The following NEGR1 variants were observed in gnomAD, a reference collection of about 807,000 sequenced individuals.
NEGR1 encodes neuronal growth regulator 1, also known as IgLON family member 4.
In NEGR1, 10 loss-of-function variants were observed where a neutral mutation model predicts 40.9. The observed-to-expected ratio is 0.24, with a 90% CI of 0.15 to 0.42. NEGR1 has a LOEUF of 0.42. Ranked by LOEUF, NEGR1 falls within the 10% of genes least tolerant of loss-of-function variation. The pLI, the probability that NEGR1 is intolerant of heterozygous loss-of-function variation, is 1.00. For synonymous variants in NEGR1, 185 were observed against 166.8 expected, an observed-to-expected ratio of 1.11 and a Z score of -0.84; for missense variants, 352 against 438.9, an observed-to-expected ratio of 0.80 and a Z score of 1.77.
intron 6 of NEGR1, among the ~76,000 whole-genome samples, chr1:71,503,088 T>A (rs1057269642): frequency 9.2e-5 from 14 of 152,180 alleles, no homozygotes; most frequent in Non-Finnish European, 1.6e-4. Flanking sequence ...GGGAGAATGC[T>A]GCAGGTTTGC....
At chr1:71,781,198 G>A (rs576226019) in intron 2 of NEGR1, among the ~76,000 whole-genome samples, 5 of 152,102 alleles carry the variant, frequency 3.3e-5, no homozygotes, top group African/African-American at 9.6e-5. Context: ...CCAGCATCAC[G>A]GTGACTAATC....
intron 1 of NEGR1, among the ~76,000 whole-genome samples, chr1:71,989,766 CAG>C (rs1405391411): frequency 6.6e-6 from 1 of 152,110 alleles, no homozygotes; most frequent in Non-Finnish European, 1.5e-5. Flanking sequence ...AAATATGAAA[CAG>C]AATAAATAAG....
intron 2 of NEGR1, among the ~76,000 whole-genome samples, chr1:71,785,553 G>A (rs909369740): frequency 5.3e-5 from 8 of 152,010 alleles, no homozygotes; most frequent in Admixed American, 3.3e-4. Flanking sequence ...AGGAAAGCAA[G>A]TACCTTCTTT....
chr1:71,549,973 A>C (rs564115385), intron 6 of NEGR1, among the ~76,000 whole-genome samples: 1 of 151,748 alleles, frequency 6.6e-6, no homozygotes, highest in East Asian at 2.0e-4. Flanking sequence ...TGGAGTGCAC[A>C]CTTGAATAAT....
intron 1 of NEGR1, among the ~76,000 whole-genome samples, chr1:72,154,318 T>G (rs1336730080): frequency 4.6e-5 from 7 of 151,906 alleles, no homozygotes; most frequent in Non-Finnish European, 8.8e-5. Context: ...CCTCCCCAAA[T>G]TTTCATTTTT....
At chr1:72,115,895 T>G (rs1649562671) in intron 1 of NEGR1, among the ~76,000 whole-genome samples, 1 of 151,796 alleles carries the variant, frequency 6.6e-6, no homozygotes, top group South Asian at 2.1e-4. Flanking sequence ...TGTAGGCCCA[T>G]GAAATGAAGA....
chr1:72,170,465 G>A (rs911975217), intron 1 of NEGR1, among the ~76,000 whole-genome samples: 7 of 152,124 alleles, frequency 4.6e-5, no homozygotes, highest in African/African-American at 1.7e-4. Flanking sequence ...AGTAATACTA[G>A]TGTCTGGCAC....
At chr1:71,540,371 T>A (rs1205869068) in intron 6 of NEGR1, among the ~76,000 whole-genome samples, 1 of 151,806 alleles carries the variant, frequency 6.6e-6, no homozygotes, top group Non-Finnish European at 1.5e-5. Flanking sequence ...AGGCAGGGCC[T>A]AGATACCTGG....
chr1:71,987,355 C>T (rs146571989), intron 1 of NEGR1, among the ~76,000 whole-genome samples: 342 of 152,178 alleles, frequency 2.2e-3, no homozygotes, highest in African/African-American at 7.9e-3. Flanking sequence ...AAGAGACAGG[C>T]GGGAGATAGA....
At chr1:72,090,747 G>A (rs1409464820) in intron 1 of NEGR1, among the ~76,000 whole-genome samples, 1 of 152,096 alleles carries the variant, frequency 6.6e-6, no homozygotes, top group Non-Finnish European at 1.5e-5. Flanking sequence ...CTACTCACAT[G>A]AATTTGGGAC....
At chr1:71,772,339 G>A (rs1418289433) in intron 3 of NEGR1, among the ~76,000 whole-genome samples, 1 of 152,050 alleles carries the variant, frequency 6.6e-6, no homozygotes, top group Non-Finnish European at 1.5e-5. Context: ...AGGAGGTGGA[G>A]GTTGCAAGGA....
At chr1:71,509,285 T>G (rs1362121540) in intron 6 of NEGR1, among the ~76,000 whole-genome samples, 1 of 152,182 alleles carries the variant, frequency 6.6e-6, no homozygotes, top group Non-Finnish European at 1.5e-5. Flanking sequence ...AAATCAGACT[T>G]GTAAGAGTCT....
intron 3 of NEGR1, among the ~76,000 whole-genome samples, chr1:71,763,243 T>TG (rs1012349531): frequency 8.6e-5 from 13 of 152,030 alleles, no homozygotes; most frequent in African/African-American, 2.9e-4. Flanking sequence ...AAACATTGGG[T>TG]GGGGGGTCCT....
intron 4 of NEGR1, among the ~76,000 whole-genome samples, chr1:71,659,866 C>A (rs1001220957): frequency 6.6e-6 from 1 of 152,158 alleles, no homozygotes; most frequent in Admixed American, 6.5e-5. Context: ...AACACTTATA[C>A]ACTCTTTGTG....
intron 1 of NEGR1, among the ~76,000 whole-genome samples, chr1:72,082,734 G>A (rs1224635617): frequency 6.6e-6 from 1 of 151,462 alleles, no homozygotes; most frequent in Non-Finnish European, 1.5e-5. Flanking sequence ...AAAACTAATG[G>A]GTCATCCTGA....
rs543462860 is a variant in NEGR1, at chr1:71,604,970, A to T, written c.788+6056T>A. Among the ~76,000 whole-genome samples, 70 of 152,268 alleles carry T rather than the reference A, an allele frequency of 4.6e-4. No homozygotes were observed. The South Asian group carries it at 6.8e-3, about 15-fold the overall frequency. On this transcript the variant is annotated intron_variant, in intron 5 of 6. Coordinates refer to ENST00000357731, the MANE Select transcript of NEGR1 (RefSeq NM_173808.3). Reference sequence around the variant, plus strand: ...TTTGTAGGTACACAGCTTTTAAACTAGTATATCGATAATTTTAATGTCTTT... The same window carrying T: ...TTTGTAGGTACACAGCTTTTAAACTTGTATATCGATAATTTTAATGTCTTT...
chr1:72,032,368 T>C (rs572998285), intron 1 of NEGR1, among the ~76,000 whole-genome samples: 1 of 152,268 alleles, frequency 6.6e-6, no homozygotes, highest in Admixed American at 6.5e-5. Context: ...AGGAAGGTAA[T>C]AGGAACACCT....
intron 4 of NEGR1, among the ~76,000 whole-genome samples, chr1:71,676,373 A>T (rs1315274154): frequency 2.3e-5 from 2 of 88,516 alleles, no homozygotes; most frequent in Non-Finnish European, 4.5e-5. Flanking sequence ...TAAAAAAATG[A>T]TCTTGTGGCC....
chr1:71,993,480 CGTT>C (rs2100363583), intron 1 of NEGR1, among the ~76,000 whole-genome samples: 1 of 152,134 alleles, frequency 6.6e-6, no homozygotes, highest in African/African-American at 2.4e-5. Flanking sequence ...AAAATTTACT[CGTT>C]AAAATAATGG....
Sources: allele counts gnomAD v4.1 joint callset (sites outside exome capture counted in the v4.1 genomes callset), GRCh38; gene constraint gnomAD v4.1.1; transcripts MANE v1.5; gene names NCBI Gene and HGNC (gene_info 2026-07-23, HGNC 2026-07-21).